CSF2RA: variants seen among roughly 807,000 people sequenced by gnomAD.
The protein encoded by CSF2RA is granulocyte-macrophage colony-stimulating factor receptor subunit alpha.
Under a neutral mutation model 51.6 loss-of-function variants are expected in CSF2RA, and 42 were observed. The ratio of observed to expected loss-of-function variants is 0.81; its 90% CI spans 0.64 to 1.05. The LOEUF is 1.05. CSF2RA is among the 50% of genes least tolerant of loss of function. The pLI, the probability that CSF2RA is intolerant of heterozygous loss-of-function variation, is 0.00. For synonymous variants in CSF2RA, 222 were observed against 193.0 expected, an observed-to-expected ratio of 1.15 and a Z score of -1.24; for missense variants, 530 against 501.1, an observed-to-expected ratio of 1.06 and a Z score of -0.55.
the CSF2RA span, among the ~76,000 whole-genome samples, chrX:1,323,741 G>T: frequency 6.6e-6 from 1 of 151,962 alleles, no homozygotes; most frequent in Non-Finnish European, 1.5e-5. Context: ...CAGGCTGGGC[G>T]CAGTGGCTCA....
chrX:1,318,558 C>G, the CSF2RA span, among the ~76,000 whole-genome samples: 1 of 151,944 alleles, frequency 6.6e-6, no homozygotes, highest in East Asian at 1.9e-4. Flanking sequence ...CCTGAGCCGC[C>G]GATAGCCCCT....
At chrX:1,303,628 G>A (rs1409875444) in intron 10 of CSF2RA, among the ~76,000 whole-genome samples, 3 of 152,038 alleles carry the variant, frequency 2.0e-5, no homozygotes, top group African/African-American at 4.8e-5. Context: ...CTCCCGTGTC[G>A]GCCTCCCAAA....
chrX:1,289,856 GT>G (rs2091192518), intron 6 of CSF2RA, among the ~76,000 whole-genome samples: 2 of 87,156 alleles, frequency 2.3e-5, no homozygotes, highest in African/African-American at 4.3e-5. Context: ...GTGTTTTTGT[GT>G]TTTTGTTTTG....
At position 1,308,720 on chromosome X, in the gene CSF2RA, G is replaced by A. The variant is rs183276538; in HGVS notation, c.1126-682G>A. Among the ~76,000 whole-genome samples, 298 of 152,022 alleles carry A rather than the reference G, an allele frequency of 2.0e-3. 2 individuals are homozygous for A. Among genetic ancestry groups the A allele is most frequent in the South Asian group, 0.012 (56 of 4,810 alleles). On this transcript the variant is annotated intron_variant, in intron 12 of 12. Transcript: ENST00000381529. ...CACGCCAGCCTCCTCCCCGGCCCCC[G>A]CTTTCCACTGACCCCCAGGGGTCCC...
chrX:1,324,247 A>C, the CSF2RA span, among the ~76,000 whole-genome samples: 6 of 150,708 alleles, frequency 4.0e-5, no homozygotes, highest in Non-Finnish European at 1.5e-5. Flanking sequence ...TAATCCCAGC[A>C]CTTTGGGAGG....
At chrX:1,315,792 TAGATA>T in the CSF2RA span, among the ~76,000 whole-genome samples, 3 of 147,176 alleles carry the variant, frequency 2.0e-5, no homozygotes, top group African/African-American at 7.4e-5. Flanking sequence ...GATAGATAGA[TAGATA>T]GATAGATAGA....
At chrX:1,286,875 C>G (rs1417745294) in intron 4 of CSF2RA, among the ~76,000 whole-genome samples, 1 of 152,014 alleles carries the variant, frequency 6.6e-6, no homozygotes, top group Non-Finnish European at 1.5e-5. Context: ...TGTCACCGTC[C>G]TGGTTCCCCA....
intron 7 of CSF2RA, among the ~76,000 whole-genome samples, chrX:1,292,605 C>G (rs1425450568): frequency 6.6e-6 from 1 of 152,110 alleles, no homozygotes; most frequent in Non-Finnish European, 1.5e-5. Context: ...TGGATGCACA[C>G]GCAGGCCAGA....
At chrX:1,311,473 C>T (rs112999730), downstream of CSF2RA, among the ~76,000 whole-genome samples, 5 of 150,740 alleles carry the variant, frequency 3.3e-5, no homozygotes, top group East Asian at 5.9e-4. Flanking sequence ...CTTGCTTTGT[C>T]GCCAGGCTGG....
At chrX:1,297,175 C>G (rs1428315191) in intron 9 of CSF2RA, among the ~76,000 whole-genome samples, 3 of 27,702 alleles carry the variant, frequency 1.1e-4, no homozygotes, top group African/African-American at 1.5e-4. Flanking sequence ...CTCACGACCC[C>G]TACAGTCTCC....
chrX:1,314,413 CGT>C (rs2084368379), downstream of CSF2RA, among the ~76,000 whole-genome samples: 13 of 148,952 alleles, frequency 8.7e-5, no homozygotes, highest in African/African-American at 2.2e-4. Context: ...CCTGCCTAAC[CGT>C]ACTGCACCTG....
At chrX:1,288,041 G>C (rs1404582104) in intron 4 of CSF2RA, among the ~76,000 whole-genome samples, 2 of 151,102 alleles carry the variant, frequency 1.3e-5, no homozygotes, top group African/African-American at 2.4e-5. Flanking sequence ...CTGGCCTCTA[G>C]TCTGGTACTT....
intron 12 of CSF2RA, among the ~76,000 whole-genome samples, chrX:1,308,236 CG>C (rs1199966954): frequency 6.6e-6 from 1 of 152,028 alleles, no homozygotes; most frequent in Admixed American, 6.6e-5. Context: ...AGCCTAGTCA[CG>C]GGGACACGTC....
intron 3 of CSF2RA, among the ~76,000 whole-genome samples, chrX:1,283,948 C>T (rs151281169): frequency 0.087 from 13,157 of 151,718 alleles, 794 homozygotes; most frequent in Non-Finnish European, 0.11. Flanking sequence ...TTTGCGTTTC[C>T]GGGAGGGACC....
At chrX:1,302,159 GC>G (rs2083051490) in intron 10 of CSF2RA, among the ~76,000 whole-genome samples, 2 of 151,810 alleles carry the variant, frequency 1.3e-5, no homozygotes, top group African/African-American at 4.8e-5. Context: ...CAGGTGATCT[GC>G]CCACCTCGCC....
intron 1 of CSF2RA, among the ~76,000 whole-genome samples, chrX:1,271,280 C>T: frequency 1.4e-5 from 1 of 73,870 alleles, no homozygotes; most frequent in South Asian, 3.8e-4. Context: ...GCCTCAGCCT[C>T]CTGAGTAGCT....
chrX:1,316,080 A>ATAGATAGATAGATAGATAG, the CSF2RA span, among the ~76,000 whole-genome samples: 3 of 65,928 alleles, frequency 4.6e-5, no homozygotes, highest in Non-Finnish European at 7.7e-5. Context: ...AGATAGATAG[A>ATAGATAGATAGATAGATAG]ATAGATAAAT....
chrX:1,277,593 C>CAAAAA (rs749833246), intron 2 of CSF2RA, among the ~76,000 whole-genome samples: 3 of 70,442 alleles, frequency 4.3e-5, no homozygotes, highest in Non-Finnish European at 7.3e-5. Flanking sequence ...AAGTCCATCT[C>CAAAAA]AAAAAAAAAA....
chrX:1,325,004 A>G, the CSF2RA span, among the ~76,000 whole-genome samples: 1 of 151,964 alleles, frequency 6.6e-6, no homozygotes, highest in African/African-American at 2.4e-5. Context: ...GGCCACCGAC[A>G]CCAGGTTCTC....
Sources: gnomAD v4.1 joint callset for allele counts (sites outside exome capture counted in the v4.1 genomes callset) on GRCh38, gnomAD v4.1.1 for gene constraint, MANE v1.5 for transcripts, NCBI Gene and HGNC (gene_info 2026-07-23, HGNC 2026-07-21) for gene names.